RGS6: variants seen among roughly 807,000 people sequenced by gnomAD.
RGS6 encodes regulator of G-protein signaling 6.
In RGS6, 30 loss-of-function variants were observed where a neutral mutation model predicts 78.5. The observed-to-expected ratio is 0.38, with a 90% CI of 0.29 to 0.52. RGS6 has a LOEUF of 0.52. RGS6 is among the 20% of genes least tolerant of loss of function. The probability of loss-of-function intolerance (pLI) is 0.85; values close to 1 mark genes in which losing one functional copy is unlikely to be tolerated. For synonymous variants in RGS6, 206 were observed against 206.0 expected (o/e 1.00, Z 0.00); for missense variants, 495 against 609.7 (o/e 0.81, Z 1.98).
rs1567103201 is a variant in RGS6, at chr14:72,547,185, G to GAGC, written c.1422+7099_1422+7101dup. On this transcript the variant is annotated intron_variant, in intron 17 of 17. Transcript: ENST00000553525. ...AGAGCCTGCCTCAGTCCTGTCCGGGGAGCAGCAGCACCGCAGCAGAGGGGG... is the reference window on the plus strand; with the variant it reads ...AGAGCCTGCCTCAGTCCTGTCCGGGGAGCAGCAGCAGCACCGCAGCAGAGGGGG... 3.9e-6 allele frequency: 6 copies of GAGC among 1,535,080 alleles called. No homozygotes were observed. The South Asian group carries it at 6.0e-5, about 15-fold the overall frequency.
At chr14:71,916,362 C>A in the RGS6 span, among the ~76,000 whole-genome samples, 2 of 152,302 alleles carry the variant, frequency 1.3e-5, no homozygotes, top group East Asian at 3.9e-4. Context: ...TAAAGGCCCC[C>A]ACTGATGAAA....
At chr14:72,343,119 C>T (rs2152690448) in intron 2 of RGS6, among the ~76,000 whole-genome samples, 1 of 152,336 alleles carries the variant, frequency 6.6e-6, no homozygotes, top group Admixed American at 6.5e-5. Flanking sequence ...AACAAATTAC[C>T]ATACACTTAA....
Position 72,562,850 on chromosome 14 carries a change from C to G in RGS6, c.*383C>G. On this transcript the variant is annotated 3_prime_UTR_variant, in exon 18 of 18. Transcript: ENST00000553525. ...CACTCCCTCGCTGTCTGGAGACGGT[C>G]ACACCTTCTGGCAAATTCAAGAGGC... The G allele has an allele frequency of 8.4e-7, 1 of 1,195,590 alleles. No homozygotes were observed. Among genetic ancestry groups the G allele is most frequent in the Non-Finnish European group, 1.2e-6 (1 of 836,892 alleles). The allele number at this position is 1,195,590 out of a possible 1,614,324, so 74.1% of individuals were successfully genotyped here. A position where few individuals can be genotyped will look rare whatever the true frequency, so the allele number is the denominator to read the frequency against.
intron 2 of RGS6, among the ~76,000 whole-genome samples, chr14:72,161,792 A>G (rs967752850): frequency 3.9e-5 from 6 of 152,250 alleles, no homozygotes; most frequent in African/African-American, 9.6e-5. Flanking sequence ...GGACACATCC[A>G]TCAACTAGAG....
At chr14:72,284,900 A>G (rs1567663068) in intron 2 of RGS6, among the ~76,000 whole-genome samples, 1 of 152,346 alleles carries the variant, frequency 6.6e-6, no homozygotes, top group South Asian at 2.1e-4. Context: ...AATGTGAGAC[A>G]CAGAGTCAAA....
chr14:72,089,949 C>G (rs2095207025), intron 2 of RGS6, among the ~76,000 whole-genome samples: 1 of 152,082 alleles, frequency 6.6e-6, no homozygotes, highest in South Asian at 2.1e-4. Flanking sequence ...AGATTGGAAA[C>G]AGCTTTATAG....
intron 2 of RGS6, among the ~76,000 whole-genome samples, chr14:72,269,862 A>G (rs2059667540): frequency 6.6e-6 from 1 of 152,120 alleles, no homozygotes; most frequent in South Asian, 2.1e-4. Flanking sequence ...CACTGCACCC[A>G]GCCTTTGTAT....
At chr14:71,880,518 G>C in the RGS6 span, among the ~76,000 whole-genome samples, 1 of 152,286 alleles carries the variant, frequency 6.6e-6, no homozygotes, top group East Asian at 1.9e-4. Context: ...TAGGAACTTG[G>C]TGCCCCTTGC....
At chr14:72,225,422 C>A (rs1172378405) in intron 2 of RGS6, among the ~76,000 whole-genome samples, 3 of 152,180 alleles carry the variant, frequency 2.0e-5, no homozygotes, top group African/African-American at 7.2e-5. Flanking sequence ...TCCCTGGGCT[C>A]AGGTGATCCT....
intron 1 of RGS6, among the ~76,000 whole-genome samples, chr14:71,944,425 G>A (rs1208155176): frequency 6.6e-6 from 1 of 152,186 alleles, no homozygotes; most frequent in Non-Finnish European, 1.5e-5. Context: ...TCCTTGTGCT[G>A]TTTTATATAG....
At chr14:72,282,403 G>A (rs2061731636) in intron 2 of RGS6, among the ~76,000 whole-genome samples, 2 of 152,118 alleles carry the variant, frequency 1.3e-5, no homozygotes, top group South Asian at 4.2e-4. Context: ...CAAATTATAA[G>A]AAATCCCTTA....
At chr14:72,171,121 T>C (rs2097009103) in intron 2 of RGS6, among the ~76,000 whole-genome samples, 1 of 152,006 alleles carries the variant, frequency 6.6e-6, no homozygotes, top group Non-Finnish European at 1.5e-5. Flanking sequence ...TACACACATA[T>C]CCATGCATGC....
intron 2 of RGS6, among the ~76,000 whole-genome samples, chr14:72,148,129 T>TAAA (rs35367140): frequency 4.4e-5 from 3 of 67,566 alleles, no homozygotes; most frequent in Admixed American, 1.9e-4. Context: ...AGACTCCATC[T>TAAA]AAAAAAAAAA....
chr14:71,952,075 ATTAC>A (rs1404258228), intron 1 of RGS6, among the ~76,000 whole-genome samples: 1 of 152,120 alleles, frequency 6.6e-6, no homozygotes, highest in Non-Finnish European at 1.5e-5. Flanking sequence ...TAAAAGAGTT[ATTAC>A]TTTTACCTTT....
intron 2 of RGS6, among the ~76,000 whole-genome samples, chr14:72,231,439 G>A (rs912529687): frequency 2.6e-5 from 4 of 152,126 alleles, no homozygotes; most frequent in Non-Finnish European, 5.9e-5. Context: ...TTGATTATGA[G>A]CCAGGAACTG....
At chr14:72,627,551 G>A in the RGS6 span, among the ~76,000 whole-genome samples, 1 of 152,004 alleles carries the variant, frequency 6.6e-6, no homozygotes, top group African/African-American at 2.4e-5. Context: ...TTTATCTATA[G>A]AGGCTTTACA....
At chr14:71,992,932 C>T (rs1005676943) in intron 2 of RGS6, among the ~76,000 whole-genome samples, 1 of 152,100 alleles carries the variant, frequency 6.6e-6, no homozygotes, top group Non-Finnish European at 1.5e-5. Flanking sequence ...TGTTCTTTCT[C>T]CATTGTTCAA....
the RGS6 span, among the ~76,000 whole-genome samples, chr14:72,627,324 T>C: frequency 2.0e-5 from 3 of 152,256 alleles, no homozygotes; most frequent in South Asian, 6.2e-4. Context: ...TGATTATTTT[T>C]ATGTATGGTG....
intron 2 of RGS6, among the ~76,000 whole-genome samples, chr14:72,233,365 C>T (rs1300391651): frequency 2.0e-5 from 3 of 152,098 alleles, no homozygotes; most frequent in African/African-American, 7.2e-5. Context: ...TCTGTGAGTC[C>T]TTGTCAAATA....
Sources: gnomAD v4.1 joint callset for allele counts (sites outside exome capture counted in the v4.1 genomes callset) on GRCh38, gnomAD v4.1.1 for gene constraint, MANE v1.5 for transcripts, NCBI Gene and HGNC (gene_info 2026-07-23, HGNC 2026-07-21) for gene names.